The following MAB21L3 variants were observed in gnomAD, a reference collection of about 807,000 sequenced individuals.
MAB21L3 encodes mab-21 like 3.
A neutral mutation model predicts 37.7 loss-of-function variants in MAB21L3; 36 were observed. The ratio of observed to expected loss-of-function variants is 0.96; its 90% CI spans 0.73 to 1.26. The LOEUF (loss-of-function observed/expected upper bound fraction) is 1.26, where lower values mean the gene tolerates loss of function less well. Ranked by LOEUF, MAB21L3 falls within the 50% of genes most tolerant of loss-of-function variation. The pLI is 0.00. For missense variants in MAB21L3, 430 were observed against 447.3 expected (o/e 0.96, Z 0.35); for synonymous variants, 186 against 176.8 (o/e 1.05, Z -0.41).
In MAB21L3 at chr1:116,119,475, C is replaced by CT. The variant is rs1288009766; in HGVS notation, c.49-1448dup. On this transcript the variant is annotated intron_variant, in intron 3 of 7. Transcript: ENST00000369500. ...AAAACAGGAATCTCTTTGACTTGGA[C>CT]TTTTTTTTTCTGGCTGTCGTGATCA... is the stretch of plus-strand genomic sequence containing the variant. Among the ~76,000 whole-genome samples the CT allele has an allele frequency of 1.2e-3, 188 of 151,734 alleles. 1 individual carries two copies. The highest frequency in any genetic ancestry group is 4.4e-3 in the African/African-American group (181 of 41,370).
rs144387677 is a variant in MAB21L3, at chr1:116,124,720, C to T, written c.481+363C>T. ...CTTCTTTATTAGCACATTTCTACTGCAGCACCTCCATCTGACTGCAGTACC... is the reference window on the plus strand; with the variant it reads ...CTTCTTTATTAGCACATTTCTACTGTAGCACCTCCATCTGACTGCAGTACC... On this transcript the variant is annotated intron_variant, in intron 5 of 7. Coordinates refer to ENST00000369500, the MANE Select transcript of MAB21L3 (RefSeq NM_152367.3). 7.6e-3 allele frequency among the ~76,000 whole-genome samples: 1,151 copies of T among 152,234 alleles called. 7 individuals carry two copies. Among genetic ancestry groups the T allele is most frequent in the Non-Finnish European group, 0.01 (712 of 68,020 alleles).
chr1:116,112,734 A>G, intron 3 of MAB21L3, 71 bp downstream of exon 3: 1 of 1,504,676 alleles, frequency 6.6e-7, no homozygotes, highest in Non-Finnish European at 9.2e-7. Flanking sequence ...ACCTTCGTCC[A>G]GAAAGGATCT....
At chr1:116,120,850 C>A in intron 3 of MAB21L3, 82 bp from the exon 4 acceptor site, 3 of 1,548,448 alleles carry the variant, frequency 1.9e-6, no homozygotes, top group Non-Finnish European at 2.6e-6. Flanking sequence ...CTTGCTGTAC[C>A]CTTGTCTCCT....
In MAB21L3 at chr1:116,133,150, T is replaced by G; in HGVS notation, c.874T>G (p.Cys292Gly). ...HHLQTVLFWT[C>G]EKYPHFKDWQ... ...TCCACAGACTGTGCTCTTTTGGACC[T>G]GCGAGAAATATCCCCACTTTAAAGA... The change falls in exon 8 of 8, where the codon TGC becomes GGC. Residue 292 changes from cysteine to glycine, a missense_variant. Cys to Gly is a radical substitution (Grantham distance 159, BLOSUM62 -3). Coordinates refer to ENST00000369500, the MANE Select transcript of MAB21L3 (RefSeq NM_152367.3). 6.2e-7 allele frequency: 1 copy of G among 1,614,198 alleles called. No individual in the cohort carries two copies. Among genetic ancestry groups the G allele is most frequent in the Non-Finnish European group, 8.5e-7 (1 of 1,180,014 alleles).
intron 3 of MAB21L3, among the ~76,000 whole-genome samples, chr1:116,113,131 A>G (rs960058621): frequency 2.0e-5 from 3 of 152,210 alleles, no homozygotes; most frequent in African/African-American, 7.2e-5. Context: ...TAAGAACTTA[A>G]TTTCTTCTAG....
chr1:116,123,033 C>T (rs1659795049), intron 4 of MAB21L3, among the ~76,000 whole-genome samples: 1 of 152,356 alleles, frequency 6.6e-6, no homozygotes, highest in South Asian at 2.1e-4. Context: ...GGGCTTTCCC[C>T]ACTCAATGGG....
rs1659734603 is a variant in MAB21L3 at position 116,121,029 on chromosome 1, T to C, written c.146T>C (p.Phe49Ser). The change falls in exon 4 of 8, where the codon TTT (phenylalanine) becomes TCT (serine). Residue 49 changes from phenylalanine (F) to serine (S), a missense_variant. Coordinates refer to ENST00000369500, the MANE Select transcript of MAB21L3 (RefSeq NM_152367.3). ...AACATCAGCAACCAAGACATTAGAT[T>C]TCAAGCTGTGCCTTACTCTGACACG... Reference protein sequence around the residue: ...TTNISNQDIRFQAVPYSDTYN... With the variant: ...TTNISNQDIRSQAVPYSDTYN... 6.2e-7 allele frequency: 1 copy of C among 1,613,982 alleles called. No individual in the cohort carries two copies. Among genetic ancestry groups the C allele is most frequent in the African/African-American group, 1.3e-5 (1 of 74,912 alleles).
At chr1:116,116,555 G>A (rs1146362) in intron 3 of MAB21L3, among the ~76,000 whole-genome samples, 8,091 of 152,192 alleles carry the variant, frequency 0.053, 598 homozygotes, top group African/African-American at 0.16. Context: ...GAGGATAAAG[G>A]GTAGGCCGTA....
Position 116,128,143 on chromosome 1 carries a change from A to T in MAB21L3, c.661-2A>T, listed in dbSNP as rs1659963514. The stretch of plus-strand genomic sequence containing the variant: ...TTCCCAATATTTTTCTCTTTCTTCC[A>T]GTCGTTTGGATTTAACTTGTTGGCC... On this transcript the variant is annotated splice_acceptor_variant, in intron 6 of 7. Transcript: ENST00000369500. LOFTEE classifies it high-confidence loss of function. 1 of 1,606,808 alleles carries T rather than the reference A, an allele frequency of 6.2e-7. No homozygotes were observed.
intron 3 of MAB21L3, among the ~76,000 whole-genome samples, chr1:116,117,358 C>A (rs983353783): frequency 6.6e-6 from 1 of 151,892 alleles, no homozygotes; most frequent in Non-Finnish European, 1.5e-5. Flanking sequence ...CTAATTAACA[C>A]TTTTATTACT....
intron 4 of MAB21L3, among the ~76,000 whole-genome samples, chr1:116,122,202 G>T (rs1659771563): frequency 6.6e-6 from 1 of 152,174 alleles, no homozygotes; most frequent in Non-Finnish European, 1.5e-5. Flanking sequence ...AAGAGATTCT[G>T]GGATTTGTGG....
chr1:116,136,266 C>A lies in MAB21L3; in HGVS notation c.*2901C>A, dbSNP rs943247537. Among the ~76,000 whole-genome samples, 10 of 152,020 alleles carry A rather than the reference C, an allele frequency of 6.6e-5. No individual in the cohort carries two copies. The highest frequency in any genetic ancestry group is 2.1e-4 in the South Asian group (1 of 4,816). ...CCCAAAATCTCCTTAAGCTGATAAG[C>A]AACTTCAGCAAAGTCTCAGGATACA... On this transcript the variant is annotated 3_prime_UTR_variant, in exon 8 of 8. Transcript: ENST00000369500.
In MAB21L3 at chr1:116,136,528, T is replaced by C. The variant is rs1305683494; in HGVS notation, c.*3163T>C. Among the ~76,000 whole-genome samples the C allele has an allele frequency of 1.3e-5, 2 of 152,084 alleles. No individual in the cohort carries two copies. Among genetic ancestry groups the C allele is most frequent in the African/African-American group, 4.8e-5 (2 of 41,410 alleles). On this transcript the variant is annotated 3_prime_UTR_variant, in exon 8 of 8. Coordinates refer to ENST00000369500, the MANE Select transcript of MAB21L3 (RefSeq NM_152367.3). ...TGCTCATGGGTAGGAAGAATCAATATCGTCAAAATGGCCAGACTGCCCAAG... is the reference window on the plus strand; with the variant it reads ...TGCTCATGGGTAGGAAGAATCAATACCGTCAAAATGGCCAGACTGCCCAAG...
Position 116,133,224 on chromosome 1 carries a change from C to A in MAB21L3, c.948C>A (p.His316Gln). Residue 316 changes from histidine to glutamine, a missense_variant, in exon 8 of 8, where the codon CAC becomes CAA. By Grantham distance (24) the His-to-Gln change is conservative. Transcript: ENST00000369500. ...TTCTGCGCCTGGTGAGGAAACTGCACAAGTGCGTGAGCCAGCACTTCCTGA... is the reference window on the plus strand; with the variant it reads ...TTCTGCGCCTGGTGAGGAAACTGCAAAAGTGCGTGAGCCAGCACTTCCTGA... Reference protein sequence around the residue: ...KAFLRLVRKLHKCVSQHFLKH... With the variant: ...KAFLRLVRKLQKCVSQHFLKH... 1.2e-6 allele frequency: 2 copies of A among 1,614,180 alleles called. No individual in the cohort carries two copies. Among genetic ancestry groups the A allele is most frequent in the Non-Finnish European group, 1.7e-6 (2 of 1,180,020 alleles).
intron 4 of MAB21L3, among the ~76,000 whole-genome samples, chr1:116,122,718 A>C (rs1266874399): frequency 6.6e-6 from 1 of 152,226 alleles, no homozygotes; most frequent in Non-Finnish European, 1.5e-5. Flanking sequence ...AAATGCCACC[A>C]TGCCTGGTTA....
At chr1:116,127,774 TG>T in intron 6 of MAB21L3, 130 bp downstream of exon 6, 1 of 1,034,718 alleles carries the variant, frequency 9.7e-7, no homozygotes, top group Admixed American at 3.0e-5. Flanking sequence ...TCTCAAAGTG[TG>T]GGCCCTGCAG....
chr1:116,138,029 C>T lies in MAB21L3; in HGVS notation c.*4664C>T, dbSNP rs1457153257. On this transcript the variant is annotated 3_prime_UTR_variant, in exon 8 of 8. Transcript: ENST00000369500. Reference sequence around the variant, plus strand: ...GGGAGATATACCTAATGCTAGATGACGAGTTAGTGGGTGCAGCGCACCAGC... The same window carrying T: ...GGGAGATATACCTAATGCTAGATGATGAGTTAGTGGGTGCAGCGCACCAGC... Among the ~76,000 whole-genome samples, 3 of 148,094 alleles carry T rather than the reference C, an allele frequency of 2.0e-5. No individual in the cohort carries two copies. Among genetic ancestry groups the T allele is most frequent in the Non-Finnish European group, 3.0e-5 (2 of 67,300 alleles).
At chr1:116,114,727 AGG>A (rs1166956848) in intron 3 of MAB21L3, among the ~76,000 whole-genome samples, 2 of 152,216 alleles carry the variant, frequency 1.3e-5, no homozygotes, top group Non-Finnish European at 2.9e-5. Context: ...CAAAGGAAGA[AGG>A]AGGGAATTTC....
chr1:116,122,873 A>G (rs1659791819), intron 4 of MAB21L3, among the ~76,000 whole-genome samples: 1 of 152,252 alleles, frequency 6.6e-6, no homozygotes, highest in Non-Finnish European at 1.5e-5. Flanking sequence ...GAAATAATGT[A>G]CAGATCTGAA....
Sources: gnomAD v4.1 joint callset for allele counts (sites outside exome capture counted in the v4.1 genomes callset) on GRCh38, gnomAD v4.1.1 for gene constraint, MANE v1.5 for transcripts, NCBI Gene and HGNC (gene_info 2026-07-23, HGNC 2026-07-21) for gene names.